CHAT: variants seen among roughly 807,000 people sequenced by gnomAD.
The protein encoded by CHAT is choline O-acetyltransferase, also known as acetyl CoA:choline O-acetyltransferase.
In CHAT, 61 loss-of-function variants were observed where a neutral mutation model predicts 76.9. That is an observed-to-expected ratio of 0.79 (90% CI 0.65 to 0.98). The LOEUF (loss-of-function observed/expected upper bound fraction) is 0.98, where lower values mean the gene tolerates loss of function less well. CHAT is among the 50% of genes least tolerant of loss of function. CHAT has a pLI of 0.00. For synonymous variants in CHAT, 407 were observed against 397.4 expected (o/e 1.02, Z -0.29); for missense variants, 946 against 986.9 (o/e 0.96, Z 0.56).
chr10:49,650,694 T>C (rs1361514273), intron 10 of CHAT, among the ~76,000 whole-genome samples: 2 of 152,004 alleles, frequency 1.3e-5, no homozygotes, highest in Non-Finnish European at 2.9e-5. Context: ...GCAGGGGGTA[T>C]GGGGACGCCC....
In CHAT at chr10:49,647,841, G is replaced by T. The variant is rs555222489; in HGVS notation, c.1282-666G>T. ...GACAGGCACAGATAAGTACTAATGT[G>T]GGGGGTGGGTGCAGCCCTCTCCACC... On this transcript the variant is annotated intron_variant, in intron 8 of 14. Coordinates refer to ENST00000337653, the MANE Select transcript of CHAT (RefSeq NM_020549.5). 141 of 153,248 alleles carry T rather than the reference G, an allele frequency of 9.2e-4. 1 individual carries two copies. The highest frequency in any genetic ancestry group is 3.3e-3 in the African/African-American group (135 of 41,142). 9.5% of individuals were successfully genotyped at this position (153,248 alleles called of 1,614,324 possible).
chr10:49,655,003 A>C, intron 11 of CHAT, 92 bp from the exon 12 acceptor site: 1 of 1,354,006 alleles, frequency 7.4e-7, no homozygotes, highest in Non-Finnish European at 1.1e-6. Flanking sequence ...CAGGGCTGTG[A>C]AAATAAAGCT....
chr10:49,620,031 G>A, intron 3 of CHAT, 115 bp downstream of exon 3: 5 of 1,037,744 alleles, frequency 4.8e-6, no homozygotes, highest in South Asian at 3.2e-5. Context: ...GAGAGATGAG[G>A]GACAGGGATG....
intron 11 of CHAT, among the ~76,000 whole-genome samples, chr10:49,652,247 A>C (rs1156575430): frequency 6.6e-6 from 1 of 152,124 alleles, no homozygotes; most frequent in African/African-American, 2.4e-5. Flanking sequence ...CGGAGCTCCA[A>C]AGGACTGGAG....
rs865801491 is a variant in CHAT, at chr10:49,614,463, C to A, written c.274C>A (p.Pro92Thr). 2 of 1,546,934 alleles carry A rather than the reference C, an allele frequency of 1.3e-6. No homozygotes were observed. The highest frequency in any genetic ancestry group is 1.4e-5 in the African/African-American group (1 of 73,144). The change falls in exon 1 of 15, where the codon CCG becomes ACG. Residue 92 changes from proline (P) to threonine (T), a missense_variant. Pro to Thr is a conservative substitution (Grantham distance 38, BLOSUM62 -1). This residue lies in a region of CHAT where 548 missense variants were observed against 516.2 expected (regional missense o/e 1.06). Coordinates refer to ENST00000337653, the MANE Select transcript of CHAT (RefSeq NM_020549.5). The part of the protein sequence containing the change: ...CGAASAEAAE[P>T]RRAGPHLCIP... ...TGCAGCGTCGGCCGAGGCAGCAGAG[C>A]CGAGGAGAGCAGGTGAGAAGAAGGG...
At chr10:49,622,037 G>GGAAGAGGAAGGAGATGGAAGGAA in intron 4 of CHAT, 60 bp from the exon 5 acceptor site, 1 of 1,576,292 alleles carries the variant, frequency 6.3e-7, no homozygotes, top group Non-Finnish European at 8.7e-7. Flanking sequence ...CAGAAGGGAG[G>GGAAGAGGAAGGAGATGGAAGGAA]GAGGGAGGGA....
chr10:49,619,997 T>C (rs925597621), intron 3 of CHAT, 81 bp downstream of exon 3: 2 of 1,421,656 alleles, frequency 1.4e-6, no homozygotes, highest in Non-Finnish European at 1.9e-6. Flanking sequence ...GAGAGGCAGG[T>C]AGGGGACAAA....
chr10:49,610,933 C>G (rs775674834), upstream of CHAT: 4 of 1,610,702 alleles, frequency 2.5e-6, no homozygotes, highest in Admixed American at 5.0e-5. Context: ...CGCCCACATG[C>G]GCGGGGGCGG....
intron 7 of CHAT, among the ~76,000 whole-genome samples, chr10:49,632,041 C>T (rs891076151): frequency 6.6e-6 from 1 of 152,050 alleles, no homozygotes; most frequent in Admixed American, 6.6e-5. Context: ...GAAGCAGGAA[C>T]AGTAGAAGGA....
At position 49,614,282 on chromosome 10, in the gene CHAT, G is replaced by C. The variant is rs1399903985; in HGVS notation, c.93G>C (p.Val31=). 3.8e-5 allele frequency: 59 copies of C among 1,548,458 alleles called. No individual in the cohort carries two copies. Among genetic ancestry groups the C allele is most frequent in the Non-Finnish European group, 5.0e-5 (57 of 1,146,594 alleles). ...EGGGTRGRRE[V]RPACFLQSGG... is the part of the protein sequence containing the mutation. ...GAGGTACAAGAGGAAGGAGAGAAGTGCGGCCAGCTTGCTTTCTCCAGTCGG... is the reference window on the plus strand; with the variant it reads ...GAGGTACAAGAGGAAGGAGAGAAGTCCGGCCAGCTTGCTTTCTCCAGTCGG... The change falls in exon 1 of 15, where the codon GTG becomes GTC. Residue 31 remains valine, a synonymous_variant. Coordinates refer to ENST00000337653, the MANE Select transcript of CHAT (RefSeq NM_020549.5).
At chr10:49,618,840 T>A (rs141453730) in intron 2 of CHAT, among the ~76,000 whole-genome samples, 70 of 152,220 alleles carry the variant, frequency 4.6e-4, no homozygotes, top group African/African-American at 1.5e-3. Flanking sequence ...GATAGCGAGG[T>A]CATAACATTT....
Position 49,620,598 on chromosome 10 carries a change from C to T in CHAT, c.683C>T (p.Thr228Ile). 1.2e-6 allele frequency: 2 copies of T among 1,613,114 alleles called. No individual in the cohort carries two copies. Among genetic ancestry groups the T allele is most frequent in the Non-Finnish European group, 1.7e-6 (2 of 1,179,246 alleles). The change falls in exon 4 of 15, where the codon ACC (threonine) becomes ATC (isoleucine). Residue 228 changes from threonine to isoleucine, a missense_variant. Transcript: ENST00000337653. ...VIFARQHFPG[T>I]DDQLRFAASL... ...TTTGCTCGGCAGCACTTCCCTGGCA[C>T]CGATGACCAGCTGAGGTGAGGCCTT... is the stretch of plus-strand genomic sequence containing the variant.
intron 10 of CHAT, 45 bp downstream of exon 10, chr10:49,649,681 C>T (rs1472626231): frequency 6.2e-7 from 1 of 1,610,794 alleles, no homozygotes; most frequent in South Asian, 1.1e-5. Flanking sequence ...CTAGGGACCA[C>T]CCCGCCCTTG....
intron 7 of CHAT, chr10:49,637,494 A>T (rs911023614): frequency 6.6e-6 from 1 of 152,094 alleles, no homozygotes; most frequent in Non-Finnish European, 1.5e-5. Context: ...TGTTCTCATG[A>T]CAGTCAGTGA....
At position 49,664,675 on chromosome 10, in the gene CHAT, A is replaced by C. The variant is rs1467367807; in HGVS notation, c.1978-102A>C. On this transcript the variant is annotated intron_variant, in intron 14 of 14. Coordinates refer to ENST00000337653, the MANE Select transcript of CHAT (RefSeq NM_020549.5). The stretch of plus-strand genomic sequence containing the variant: ...CTAAAGCAATCACTTGATTTGGTTA[A>C]TTCAGTCAAACCCCCAGGTGGAAAA... The C allele has an allele frequency of 2.4e-5, 34 of 1,399,282 alleles. No individual in the cohort carries two copies. In the South Asian group the frequency reaches 3.7e-4, roughly 15 times the overall value. The allele number at this position is 1,399,282 out of a possible 1,614,324, so 86.7% of individuals were successfully genotyped here.
chr10:49,625,422 A>G, intron 5 of CHAT, 51 bp from the exon 6 acceptor site: 1 of 1,572,162 alleles, frequency 6.4e-7, no homozygotes, highest in Non-Finnish European at 8.7e-7. Flanking sequence ...GTCTCCCCTC[A>G]CCACCCACCA....
intron 7 of CHAT, among the ~76,000 whole-genome samples, chr10:49,629,169 A>G (rs1839028566): frequency 6.6e-6 from 1 of 152,200 alleles, no homozygotes; most frequent in Non-Finnish European, 1.5e-5. Context: ...CCCACTGCCT[A>G]TAAGGTCAGA....
chr10:49,610,865 C>A (rs1190038791), upstream of CHAT: 2 of 1,612,964 alleles, frequency 1.2e-6, no homozygotes, highest in East Asian at 2.2e-5. Flanking sequence ...GTGTGCGTGG[C>A]GCTGTTACTG....
In CHAT at chr10:49,627,427, C is replaced by T. The variant is rs142166548; in HGVS notation, c.934-181C>T. Among the ~76,000 whole-genome samples the T allele has an allele frequency of 2.9e-3, 444 of 152,282 alleles. 2 individuals carry two copies. The highest frequency in any genetic ancestry group is 9.2e-3 in the African/African-American group (382 of 41,558). On this transcript the variant is annotated intron_variant, in intron 6 of 14. Coordinates refer to ENST00000337653, the MANE Select transcript of CHAT (RefSeq NM_020549.5). ...TGTTGCCTTCTTTGATTGGGGGCAG[C>T]GTGGAATCCAGCACAGTCAACAGCC...
Sources: gnomAD v4.1 joint callset for allele counts (sites outside exome capture counted in the v4.1 genomes callset) on GRCh38, gnomAD v4.1.1 for gene constraint, gnomAD v4.1.1 regional missense constraint, MANE v1.5 for transcripts, NCBI Gene and HGNC (gene_info 2026-07-23, HGNC 2026-07-21) for gene names.